The following CDC42BPB variants were observed in gnomAD, a reference collection of about 807,000 sequenced individuals.
The protein encoded by CDC42BPB is serine/threonine-protein kinase MRCK beta.
A neutral mutation model predicts 214.9 loss-of-function variants in CDC42BPB; 37 were observed. The observed-to-expected ratio is 0.17, with a 90% CI of 0.13 to 0.23. The LOEUF is 0.23. Ranked by LOEUF, CDC42BPB falls within the 10% of genes least tolerant of loss-of-function variation. The pLI, the probability that CDC42BPB is intolerant of heterozygous loss-of-function variation, is 1.00. For missense variants in CDC42BPB, 1,694 were observed against 2,227.0 expected (o/e 0.76, Z 4.82); for synonymous variants, 931 against 884.0 (o/e 1.05, Z -0.94).
chr14:102,934,878 T>C (rs111639824), intron 36 of CDC42BPB, among the ~76,000 whole-genome samples: 4,650 of 149,438 alleles, frequency 0.031, 159 homozygotes, highest in Admixed American at 0.11. Context: ...GGCATGGTGG[T>C]GGGCACCTGT....
chr14:102,934,614 C>T (rs971458590), intron 36 of CDC42BPB, among the ~76,000 whole-genome samples: 7 of 152,090 alleles, frequency 4.6e-5, no homozygotes, highest in African/African-American at 7.2e-5. Flanking sequence ...AAGTCACAAA[C>T]GCGACACTCT....
chr14:103,012,982 C>G (rs10138432), intron 1 of CDC42BPB, among the ~76,000 whole-genome samples: 1,773 of 152,260 alleles, frequency 0.012, 42 homozygotes, highest in African/African-American at 0.041. Flanking sequence ...TTGTCATGTT[C>G]GCACAATGAC....
At chr14:102,980,749 TG>T in intron 8 of CDC42BPB, 23 bp downstream of exon 8, 4 of 1,612,334 alleles carry the variant, frequency 2.5e-6, no homozygotes, top group Non-Finnish European at 3.4e-6. Flanking sequence ...CCAGCAACCC[TG>T]AGAACGGTGC....
At chr14:102,952,462 G>T in intron 24 of CDC42BPB, 36 bp downstream of exon 24, 1 of 1,367,688 alleles carries the variant, frequency 7.3e-7, no homozygotes, top group Non-Finnish European at 1.0e-6. Context: ...GTGTGGGGCT[G>T]TGCACGCTGA....
rs1894970358 is a variant in CDC42BPB, at chr14:103,001,336, T to C, written c.448-1623A>G. On this transcript the variant is annotated intron_variant, in intron 4 of 36. Coordinates refer to ENST00000361246, the MANE Select transcript of CDC42BPB (RefSeq NM_006035.4). The surrounding 1 kb of genome is among the most constrained non-coding windows in gnomAD (Gnocchi z 5.8). ...GTCCCTGGCTCAGCAGAGCTCACACTGGGGGCGGGAGAGACCGTGGCCAGC... is the reference window on the plus strand; with the variant it reads ...GTCCCTGGCTCAGCAGAGCTCACACCGGGGGCGGGAGAGACCGTGGCCAGC... Among the ~76,000 whole-genome samples, 1 of 152,140 alleles carries C rather than the reference T, an allele frequency of 6.6e-6. No homozygotes were observed. The highest frequency in any genetic ancestry group is 2.4e-5 in the African/African-American group (1 of 41,424).
chr14:102,943,830 C>A lies in CDC42BPB; in HGVS notation c.4408+61G>T. Reference sequence around the variant, plus strand: ...AGACAAACCAAAGCAAAATCGAACACATGCTGACTGTCGGTGGGAAAAGCA... The same window carrying A: ...AGACAAACCAAAGCAAAATCGAACAAATGCTGACTGTCGGTGGGAAAAGCA... On this transcript the variant is annotated intron_variant, in intron 30 of 36. Transcript: ENST00000361246. This position sits in a 1 kb window ranked among gnomAD's most constrained non-coding sequence, Gnocchi z 4.6. 6.8e-7 allele frequency: 1 copy of A among 1,472,070 alleles called. No individual in the cohort carries two copies. Among genetic ancestry groups the A allele is most frequent in the Non-Finnish European group, 9.2e-7 (1 of 1,087,232 alleles). 91.2% of individuals were successfully genotyped at this position (1,472,070 alleles called of 1,614,324 possible).
intron 4 of CDC42BPB, 65 bp downstream of exon 4, chr14:103,003,863 G>C (rs1321675155): frequency 2.3e-6 from 3 of 1,307,020 alleles, no homozygotes; most frequent in Non-Finnish European, 3.2e-6. Context: ...TGAATTTTTA[G>C]TGACAGCATA....
At chr14:103,051,786 C>A (rs1888622308) in intron 1 of CDC42BPB, among the ~76,000 whole-genome samples, 1 of 152,142 alleles carries the variant, frequency 6.6e-6, no homozygotes, top group East Asian at 1.9e-4. Context: ...TCTTTGAAGT[C>A]TAGATTTAAG....
At chr14:103,041,158 A>G (rs1403223948) in intron 1 of CDC42BPB, among the ~76,000 whole-genome samples, 1 of 152,242 alleles carries the variant, frequency 6.6e-6, no homozygotes, top group Non-Finnish European at 1.5e-5. Flanking sequence ...CAAGGATTCT[A>G]AGACCATTCA....
intron 36 of CDC42BPB, among the ~76,000 whole-genome samples, chr14:102,935,084 T>TA: frequency 6.6e-6 from 1 of 151,644 alleles, no homozygotes; most frequent in Non-Finnish European, 1.5e-5. Flanking sequence ...TCACCACTGC[T>TA]ATTCAACATG....
intron 5 of CDC42BPB, among the ~76,000 whole-genome samples, chr14:102,998,598 G>A (rs546950337): frequency 6.6e-6 from 1 of 152,354 alleles, no homozygotes; most frequent in East Asian, 1.9e-4. Context: ...CTGAGTCACT[G>A]GGGAGCTGCC....
intron 16 of CDC42BPB, among the ~76,000 whole-genome samples, chr14:102,967,491 C>T (rs1228736757): frequency 6.6e-6 from 1 of 152,234 alleles, no homozygotes; most frequent in Admixed American, 6.5e-5. Flanking sequence ...TGTAGTGAAA[C>T]AGCAAGAACA....
Position 102,933,770 on chromosome 14 carries a change from G to C in CDC42BPB, c.5078C>G (p.Ser1693Cys), listed in dbSNP as rs1485309676. 6.7e-7 allele frequency: 1 copy of C among 1,503,718 alleles called. No individual in the cohort carries two copies. Among genetic ancestry groups the C allele is most frequent in the Admixed American group, 2.9e-5 (1 of 34,698 alleles). 93.1% of individuals were successfully genotyped at this position (1,503,718 alleles called of 1,614,324 possible). ...GAGGGGGAGCTGGCTCCTGTGGGGG[G>C]AGTTGGGGCTCGGTGGGCCGCTGGG... ...SNPSGPPSPN[S>C]PHRSQLPLEG... Residue 1693 changes from serine to cysteine, a missense_variant, in exon 37 of 37, where the codon TCC (serine) becomes TGC (cysteine). Around this residue, in one of 7 missense-constraint regions of CDC42BPB, gnomAD observed 146 missense variants for 134.1 expected, o/e 1.09. Transcript: ENST00000361246.
intron 36 of CDC42BPB, among the ~76,000 whole-genome samples, chr14:102,937,761 CAA>C (rs996732899): frequency 6.6e-6 from 1 of 152,262 alleles, no homozygotes; most frequent in Non-Finnish European, 1.5e-5. Context: ...CAGCCCAGAC[CAA>C]AGAGACTGCT....
At chr14:102,954,789 G>T in intron 21 of CDC42BPB, 101 bp from the exon 22 acceptor site, 1 of 1,493,614 alleles carries the variant, frequency 6.7e-7, no homozygotes, top group South Asian at 1.3e-5. Context: ...ATTCTGTCTA[G>T]CCCAGAAGTC....
Position 103,038,782 on chromosome 14 carries a change from G to A in CDC42BPB, c.175+18217C>T, listed in dbSNP as rs149562105. On this transcript the variant is annotated intron_variant, in intron 1 of 36. Transcript: ENST00000361246. The stretch of plus-strand genomic sequence containing the variant: ...TCGAACTCCTGGACTCAAGTGATTC[G>A]CCCACCTCAGCCTCCCAAAGTACTG... Among the ~76,000 whole-genome samples, 397 of 147,484 alleles carry A rather than the reference G, an allele frequency of 2.7e-3. 2 individuals are homozygous for A. The highest frequency in any genetic ancestry group is 9.7e-3 in the African/African-American group (381 of 39,436).
At chr14:103,056,665 G>T (rs1270314657) in intron 1 of CDC42BPB, among the ~76,000 whole-genome samples, 1 of 147,240 alleles carries the variant, frequency 6.8e-6, no homozygotes, top group Non-Finnish European at 1.5e-5. Context: ...CAGGGCGAGG[G>T]CCCGGCGGGG....
At chr14:103,007,509 AGAG>A (rs1231634407) in intron 3 of CDC42BPB, among the ~76,000 whole-genome samples, 1 of 152,198 alleles carries the variant, frequency 6.6e-6, no homozygotes, top group Non-Finnish European at 1.5e-5. Flanking sequence ...GAGAGGAGTA[AGAG>A]GAGAGGGTCT....
rs565029985 is a variant in CDC42BPB at position 103,004,141 on chromosome 14, G to A, written c.352-118C>T. 22 of 1,407,142 alleles carry A rather than the reference G, an allele frequency of 1.6e-5. No homozygotes were observed. Among genetic ancestry groups the A allele is most frequent in the South Asian group, 6.1e-5 (4 of 65,818 alleles). 87.2% of individuals were successfully genotyped at this position (1,407,142 alleles called of 1,614,324 possible). ...TCCAGCCACGGTGTCCCTGCCTTCC[G>A]GGCTCCTCCTCGTGCACCACCCCGA... On this transcript the variant is annotated intron_variant, in intron 3 of 36. Transcript: ENST00000361246. The surrounding 1 kb of genome is among the most constrained non-coding windows in gnomAD (Gnocchi z 5.3).
Sources: gnomAD v4.1 joint callset for allele counts (sites outside exome capture counted in the v4.1 genomes callset) on GRCh38, gnomAD v4.1.1 for gene constraint, gnomAD v4.1.1 regional missense constraint, Gnocchi (gnomAD v3.1) non-coding constraint, MANE v1.5 for transcripts, NCBI Gene and HGNC (gene_info 2026-07-23, HGNC 2026-07-21) for gene names.